NBAS: variants seen among roughly 807,000 people sequenced by gnomAD.
The protein encoded by NBAS is NBAS subunit of NRZ tethering complex, also known as NAG/BC035112 fusion.
Under a neutral mutation model 302.5 loss-of-function variants are expected in NBAS, and 219 were observed. That is an observed-to-expected ratio of 0.72 (90% CI 0.65 to 0.81). NBAS has a LOEUF of 0.81. Ranked by LOEUF, NBAS falls within the 30% of genes least tolerant of loss-of-function variation. The probability of loss-of-function intolerance (pLI) is 0.00; values close to 1 mark genes in which losing one functional copy is unlikely to be tolerated. For missense variants in NBAS, 2,932 were observed against 2,841.6 expected (o/e 1.03, Z -0.72); for synonymous variants, 1,118 against 1,021.6 (o/e 1.09, Z -1.80).
chr2:15,469,949 C>T (rs1196136410), intron 16 of NBAS, among the ~76,000 whole-genome samples: 1 of 151,688 alleles, frequency 6.6e-6, no homozygotes, highest in African/African-American at 2.4e-5. Context: ...AACAAACCTG[C>T]ACGTTGTGCA....
the NBAS span, among the ~76,000 whole-genome samples, chr2:15,121,909 G>A: frequency 3.3e-3 from 507 of 152,078 alleles, 4 homozygotes; most frequent in African/African-American, 0.012. Flanking sequence ...TTTACTTATC[G>A]TATGTACTTT....
At chr2:14,869,933 T>A in the NBAS span, among the ~76,000 whole-genome samples, 1 of 152,102 alleles carries the variant, frequency 6.6e-6, no homozygotes, top group Non-Finnish European at 1.5e-5. Flanking sequence ...CACTGATGAG[T>A]GGTAGACATA....
At chr2:15,259,416 A>G (rs907490099) in intron 44 of NBAS, among the ~76,000 whole-genome samples, 1 of 152,218 alleles carries the variant, frequency 6.6e-6, no homozygotes, top group African/African-American at 2.4e-5. Context: ...AAATGCCAAG[A>G]AAGTTCAAAG....
At chr2:14,977,025 C>T in the NBAS span, among the ~76,000 whole-genome samples, 1 of 152,180 alleles carries the variant, frequency 6.6e-6, no homozygotes, top group Non-Finnish European at 1.5e-5. Flanking sequence ...CCTAACAAAA[C>T]TGGAAAATCA....
the NBAS span, among the ~76,000 whole-genome samples, chr2:14,841,169 C>T: frequency 1.4e-4 from 21 of 150,980 alleles, no homozygotes; most frequent in East Asian, 3.3e-3. Flanking sequence ...ATGATAACCA[C>T]AATGGAAAAA....
At chr2:14,909,969 C>A in the NBAS span, among the ~76,000 whole-genome samples, 693 of 152,282 alleles carry the variant, frequency 4.6e-3, 9 homozygotes, top group African/African-American at 0.016. Flanking sequence ...TGTTGTTGTT[C>A]CTGCTAATTA....
chr2:15,437,115 G>A (rs1678057999), intron 21 of NBAS, among the ~76,000 whole-genome samples: 1 of 151,960 alleles, frequency 6.6e-6, no homozygotes, highest in East Asian at 1.9e-4. Flanking sequence ...TTCCACCCAT[G>A]CCATCAACAA....
the NBAS span, among the ~76,000 whole-genome samples, chr2:14,940,950 C>T: frequency 2.0e-5 from 3 of 152,328 alleles, no homozygotes; most frequent in African/African-American, 7.2e-5. Flanking sequence ...ATCTTACTGT[C>T]TAGGGCCCCT....
intron 49 of NBAS, among the ~76,000 whole-genome samples, chr2:15,189,119 A>T (rs1665223223): frequency 6.6e-6 from 1 of 152,202 alleles, no homozygotes; most frequent in Non-Finnish European, 1.5e-5. Context: ...TGTGAACTAA[A>T]GGTGTTATGA....
At chr2:15,113,320 C>CGTGTGTGTGTGTGTGTGTGTGT in the NBAS span, among the ~76,000 whole-genome samples, 4 of 129,942 alleles carry the variant, frequency 3.1e-5, no homozygotes, top group East Asian at 2.4e-4. Flanking sequence ...GGTATGAACT[C>CGTGTGTGTGTGTGTGTGTGTGT]GTGTGTGTGT....
chr2:15,502,982 C>T (rs7559317), intron 11 of NBAS, among the ~76,000 whole-genome samples: 145,504 of 152,346 alleles, frequency 0.96, 69,521 homozygotes, highest in East Asian at 1. Context: ...TCTTGTTCTA[C>T]AAACTTTTGT....
intron 21 of NBAS, among the ~76,000 whole-genome samples, chr2:15,441,623 A>C (rs1469128270): frequency 6.6e-6 from 1 of 151,548 alleles, no homozygotes; most frequent in Non-Finnish European, 1.5e-5. Context: ...ACCAGCTAAC[A>C]TCATAATGAC....
At chr2:14,988,667 T>A in the NBAS span, among the ~76,000 whole-genome samples, 116 of 152,198 alleles carry the variant, frequency 7.6e-4, no homozygotes, top group Non-Finnish European at 1.3e-3. Flanking sequence ...AAAGAATAAA[T>A]ACAACTGGTA....
chr2:15,028,219 C>T, the NBAS span, among the ~76,000 whole-genome samples: 4 of 152,168 alleles, frequency 2.6e-5, no homozygotes, highest in African/African-American at 9.7e-5. Context: ...AATTGCATTG[C>T]TTTCTAACCC....
rs950534770 is a variant in NBAS, at chr2:15,266,979, A to T, written c.5724+8505T>A. On this transcript the variant is annotated intron_variant, in intron 44 of 51. Transcript: ENST00000281513. ...TCTAAAACAAGTTGCAAAATAGTAC[A>T]GAGAGATCCTGTGTAGCTATCTATC... Among the ~76,000 whole-genome samples, 4 of 152,056 alleles carry T rather than the reference A, an allele frequency of 2.6e-5. No homozygotes were observed. In the East Asian group the frequency reaches 5.8e-4, roughly 22 times the overall value.
the NBAS span, among the ~76,000 whole-genome samples, chr2:14,866,859 G>A: frequency 6.6e-6 from 1 of 152,122 alleles, no homozygotes; most frequent in African/African-American, 2.4e-5. Flanking sequence ...ATGGGCCTTG[G>A]CTCAGTATTT....
the NBAS span, among the ~76,000 whole-genome samples, chr2:14,937,469 G>A: frequency 4.0e-3 from 609 of 152,326 alleles, 5 homozygotes; most frequent in African/African-American, 0.014. Flanking sequence ...CTGTCCTGCA[G>A]TAGATGAGTT....
At chr2:15,420,025 G>A (rs1677137004) in intron 23 of NBAS, among the ~76,000 whole-genome samples, 1 of 152,084 alleles carries the variant, frequency 6.6e-6, no homozygotes, top group African/African-American at 2.4e-5. Context: ...GATGATATTT[G>A]ACAATTGTCA....
chr2:15,556,911 C>G, intron 2 of NBAS, 92 bp from the exon 3 acceptor site: 1 of 987,184 alleles, frequency 1.0e-6, no homozygotes, highest in South Asian at 1.4e-5. Context: ...CTAAAATATA[C>G]TACAGAGCGA....
Sources: allele counts gnomAD v4.1 joint callset (sites outside exome capture counted in the v4.1 genomes callset), GRCh38; gene constraint gnomAD v4.1.1; transcripts MANE v1.5; gene names NCBI Gene and HGNC (gene_info 2026-07-23, HGNC 2026-07-21).